The following DNMBP variants were observed in gnomAD, a reference collection of about 807,000 sequenced individuals.
DNMBP encodes dynamin binding protein, also known as dynamin-binding protein.
DNMBP carries 87 observed loss-of-function variants against 150.0 expected under a neutral mutation model. That is an observed-to-expected ratio of 0.58 (90% CI 0.49 to 0.69). DNMBP has a LOEUF of 0.69. DNMBP is among the 30% of genes least tolerant of loss of function. The pLI, the probability that DNMBP is intolerant of heterozygous loss-of-function variation, is 0.00. For synonymous variants in DNMBP, 711 were observed against 750.4 expected (o/e 0.95, Z 0.86); for missense variants, 1,774 against 1,949.0 (o/e 0.91, Z 1.69).
intron 4 of DNMBP, among the ~76,000 whole-genome samples, chr10:99,915,128 T>TATACAC (rs1439020903): frequency 7.9e-6 from 1 of 126,126 alleles, no homozygotes; most frequent in African/African-American, 3.2e-5. Context: ...TATATATATA[T>TATACAC]ACACACACAC....
At position 99,876,194 on chromosome 10, in the gene DNMBP, T is replaced by A. The variant is rs1017663306; in HGVS notation, c.*957A>T. On this transcript the variant is annotated 3_prime_UTR_variant, in exon 17 of 17. Coordinates refer to ENST00000324109, the MANE Select transcript of DNMBP (RefSeq NM_015221.4). ...TGGAATGGCTGGAGCTCTCATACTG[T>A]TACTCTAGGAAAATCTATCAATTAT... is the stretch of plus-strand genomic sequence containing the variant. 1 of 152,214 alleles carries A rather than the reference T, an allele frequency of 6.6e-6. No homozygotes were observed. The highest frequency in any genetic ancestry group is 2.4e-5 in the African/African-American group (1 of 41,444). The allele number at this position is 152,214 out of a possible 1,614,324, so 9.4% of individuals were successfully genotyped here.
intron 5 of DNMBP, 56 bp from the exon 6 acceptor site, chr10:99,908,150 A>G: frequency 7.9e-7 from 1 of 1,264,194 alleles, no homozygotes; most frequent in South Asian, 1.2e-5. Flanking sequence ...ATGGCATTTC[A>G]ATCATCTTAG....
At chr10:99,961,146 T>C (rs558236899) in intron 3 of DNMBP, among the ~76,000 whole-genome samples, 256 of 151,802 alleles carry the variant, frequency 1.7e-3, no homozygotes, top group African/African-American at 5.9e-3. Context: ...TTGCTAATGA[T>C]GATTATTCTT....
At chr10:99,999,772 G>A (rs974238669) in intron 1 of DNMBP, among the ~76,000 whole-genome samples, 1 of 152,182 alleles carries the variant, frequency 6.6e-6, no homozygotes, top group African/African-American at 2.4e-5. Flanking sequence ...CGTATTTACT[G>A]GAGGTCTTGG....
intron 1 of DNMBP, among the ~76,000 whole-genome samples, chr10:100,006,008 C>T (rs1376379555): frequency 6.6e-6 from 1 of 152,078 alleles, no homozygotes; most frequent in Non-Finnish European, 1.5e-5. Flanking sequence ...CTCTTATGAC[C>T]TACGATAAAC....
chr10:99,935,087 C>CAAAAAAAAA (rs71009790), intron 4 of DNMBP, among the ~76,000 whole-genome samples: 13 of 48,540 alleles, frequency 2.7e-4, no homozygotes, highest in African/African-American at 5.0e-4. Context: ...CCTGTCTCCA[C>CAAAAAAAAA]AAAAAAAAAA....
rs764010889 is a variant in DNMBP at position 99,880,119 on chromosome 10, C to T, written c.4240G>A (p.Asp1414Asn). Residue 1414 changes from aspartate (D) to asparagine (N), a missense_variant, in exon 16 of 17, where the codon GAC becomes AAC. Asp to Asn is a conservative substitution (Grantham distance 23, BLOSUM62 1). Coordinates refer to ENST00000324109, the MANE Select transcript of DNMBP (RefSeq NM_015221.4). Reference protein sequence around the residue: ...QDASPPPKECDQGTLSASLNP... With the variant: ...QDASPPPKECNQGTLSASLNP... ...AGGGATGCACTGAGAGTTCCTTGGT[C>T]ACATTCTTTTGGCGGAGGAGATGCA... The T allele has an allele frequency of 6.2e-7, 1 of 1,614,184 alleles. No homozygotes were observed. The highest frequency in any genetic ancestry group is 1.1e-5 in the South Asian group (1 of 91,082).
intron 6 of DNMBP, among the ~76,000 whole-genome samples, chr10:99,906,575 C>CT (rs2039828263): frequency 6.6e-6 from 1 of 152,184 alleles, no homozygotes; most frequent in Non-Finnish European, 1.5e-5. Context: ...CTCTTGCGTG[C>CT]TCTCTCTCAT....
chr10:99,904,542 G>C (rs2039796033), intron 6 of DNMBP, among the ~76,000 whole-genome samples: 1 of 151,928 alleles, frequency 6.6e-6, no homozygotes, highest in Non-Finnish European at 1.5e-5. Flanking sequence ...TTTGTTCTTT[G>C]TGAATCCCCC....
chr10:99,948,083 T>C (rs950733644), intron 4 of DNMBP, among the ~76,000 whole-genome samples: 2 of 152,218 alleles, frequency 1.3e-5, no homozygotes, highest in Non-Finnish European at 2.9e-5. Context: ...AATGTTGCTG[T>C]TAATCTAAAA....
At chr10:99,927,279 G>A (rs1170799720) in intron 4 of DNMBP, 3 of 152,296 alleles carry the variant, frequency 2.0e-5, no homozygotes, top group African/African-American at 7.2e-5. Flanking sequence ...GGAACTCAGA[G>A]ACGAAACCAT....
chr10:99,905,045 T>C (rs961497486), intron 6 of DNMBP, among the ~76,000 whole-genome samples: 5 of 152,218 alleles, frequency 3.3e-5, no homozygotes, highest in Non-Finnish European at 5.9e-5. Flanking sequence ...CTCTTTTAGA[T>C]AGCAGCCAAC....
At chr10:99,898,844 T>A in intron 7 of DNMBP, 84 bp from the exon 8 acceptor site, 1 of 1,304,334 alleles carries the variant, frequency 7.7e-7, no homozygotes, top group Non-Finnish European at 1.1e-6. Context: ...AGAACATAAA[T>A]CATGTGGGAC....
intron 7 of DNMBP, 182 bp downstream of exon 7, chr10:99,899,737 A>G: frequency 1.4e-6 from 1 of 727,454 alleles, no homozygotes; most frequent in African/African-American, 1.8e-5. Context: ...CTAACCTAAT[A>G]CTCTATACAG....
In DNMBP at chr10:99,924,819, T is replaced by C. The variant is rs188111260; in HGVS notation, c.2261-15673A>G. Reference sequence around the variant, plus strand: ...AGTCCTAAAAACTTTGAGCTGTCTGTGTACTACTTCGCAAAAGTGCCTTCA... The same window carrying C: ...AGTCCTAAAAACTTTGAGCTGTCTGCGTACTACTTCGCAAAAGTGCCTTCA... On this transcript the variant is annotated intron_variant, in intron 4 of 16. Coordinates refer to ENST00000324109, the MANE Select transcript of DNMBP (RefSeq NM_015221.4). Among the ~76,000 whole-genome samples, 1,104 of 152,358 alleles carry C rather than the reference T, an allele frequency of 7.2e-3. 8 individuals are homozygous for C. The highest frequency in any genetic ancestry group is 0.01 in the Middle Eastern group (3 of 294).
chr10:99,976,552 C>T (rs1363173898), intron 1 of DNMBP, among the ~76,000 whole-genome samples: 5 of 152,160 alleles, frequency 3.3e-5, no homozygotes, highest in African/African-American at 4.8e-5. Context: ...GGAGACCACA[C>T]GCATACTACC....
rs10654940 is a variant in DNMBP at position 99,915,108 on chromosome 10, A to AAAT, written c.2261-5963_2261-5962insATT. ...AAACTCTGTCTCAAAAAAAAAAAAAAATATATATATATATATATATACACA... is the reference window on the plus strand; with the variant it reads ...AAACTCTGTCTCAAAAAAAAAAAAAAAATATATATATATATATATATATACACA... On this transcript the variant is annotated intron_variant, in intron 4 of 16. Transcript: ENST00000324109. Among the ~76,000 whole-genome samples the AAAT allele has an allele frequency of 2.4e-3, 241 of 99,812 alleles. 1 individual carries two copies. The highest frequency in any genetic ancestry group is 5.4e-3 in the African/African-American group (123 of 22,672). 65.5% of individuals were successfully genotyped at this position (99,812 alleles called of 152,430 possible).
At chr10:99,886,108 A>C (rs1420867088) in intron 13 of DNMBP, among the ~76,000 whole-genome samples, 192 bp downstream of exon 13, 4 of 152,172 alleles carry the variant, frequency 2.6e-5, no homozygotes, top group African/African-American at 9.7e-5. Context: ...ACTGCTCAAG[A>C]GGGAAAAGAT....
intron 4 of DNMBP, among the ~76,000 whole-genome samples, chr10:99,946,954 CAA>C (rs1263132215): frequency 6.6e-6 from 1 of 152,066 alleles, no homozygotes; most frequent in Non-Finnish European, 1.5e-5. Context: ...AAGTGGCCAA[CAA>C]ATATATGAAA....
Sources: allele counts gnomAD v4.1 joint callset (sites outside exome capture counted in the v4.1 genomes callset), GRCh38; gene constraint gnomAD v4.1.1; transcripts MANE v1.5; gene names NCBI Gene and HGNC (gene_info 2026-07-23, HGNC 2026-07-21).